The following UBA6 variants were observed in gnomAD, a reference collection of about 807,000 sequenced individuals.
UBA6 encodes ubiquitin-like modifier-activating enzyme 6.
A neutral mutation model predicts 148.3 loss-of-function variants in UBA6; 87 were observed. The observed-to-expected ratio is 0.59, with a 90% CI of 0.49 to 0.70. The LOEUF (loss-of-function observed/expected upper bound fraction) is 0.70, where lower values mean the gene tolerates loss of function less well. Ranked by LOEUF, UBA6 falls within the 30% of genes least tolerant of loss-of-function variation. The pLI, the probability that UBA6 is intolerant of heterozygous loss-of-function variation, is 0.00. For missense variants in UBA6, 1,186 were observed against 1,241.2 expected, an observed-to-expected ratio of 0.96 and a Z score of 0.67; for synonymous variants, 376 against 401.0, an observed-to-expected ratio of 0.94 and a Z score of 0.75.
Position 67,631,884 on chromosome 4 carries a change from G to A in UBA6, c.2167C>T (p.Pro723Ser), listed in dbSNP as rs764826852. Residue 723 changes from proline (P) to serine (S), a missense_variant, in exon 24 of 33, where the codon CCT becomes TCT. By Grantham distance (74) the Pro-to-Ser change is moderately conservative. Transcript: ENST00000322244. ...CCATCTTTTAATCGTATGTCCAGAG[G>A]GAAACAGTGAAGAAGCTGAAGAGCC... Reference protein sequence around the residue: ...HKALQLLHCFPLDIRLKDGSL... With the variant: ...HKALQLLHCFSLDIRLKDGSL... 6.2e-7 allele frequency: 1 copy of A among 1,611,200 alleles called. No individual in the cohort carries two copies. The highest frequency in any genetic ancestry group is 1.1e-5 in the South Asian group (1 of 90,488).
intron 13 of UBA6, among the ~76,000 whole-genome samples, chr4:67,653,518 C>T (rs1404968744): frequency 3.3e-5 from 5 of 152,164 alleles, no homozygotes; most frequent in African/African-American, 7.2e-5. Context: ...CACACCAAAA[C>T]GCCATCTGTA....
chr4:67,663,767 A>G lies in UBA6; in HGVS notation c.960+118T>C, dbSNP rs1729921735. 11 of 823,738 alleles carry G rather than the reference A, an allele frequency of 1.3e-5. No individual in the cohort carries two copies. The East Asian group carries it at 2.8e-4, about 21-fold the overall frequency. The allele number at this position is 823,738 out of a possible 1,614,324, so 51.0% of individuals were successfully genotyped here. On this transcript the variant is annotated intron_variant, in intron 11 of 32. Coordinates refer to ENST00000322244, the MANE Select transcript of UBA6 (RefSeq NM_018227.6). The stretch of plus-strand genomic sequence containing the variant: ...TGAGTATAACCTTTATTATACTCAC[A>G]TTATAAGGCCCGACAGCCAGATACC...
At chr4:67,694,982 A>G (rs1464655525) in intron 2 of UBA6, among the ~76,000 whole-genome samples, 2 of 152,252 alleles carry the variant, frequency 1.3e-5, no homozygotes, top group Admixed American at 6.5e-5. Context: ...GCTATATTCT[A>G]TAACTCTCAG....
intron 2 of UBA6, among the ~76,000 whole-genome samples, chr4:67,690,126 G>A (rs927279717): frequency 6.6e-6 from 1 of 151,912 alleles, no homozygotes; most frequent in African/African-American, 2.4e-5. Flanking sequence ...AGACAGTTGA[G>A]GTAAAAAGGT....
chr4:67,672,262 C>T (rs1730166591), intron 7 of UBA6, among the ~76,000 whole-genome samples: 1 of 152,156 alleles, frequency 6.6e-6, no homozygotes, highest in Admixed American at 6.5e-5. Context: ...GAAATTAAAA[C>T]TGAGAGAAAT....
intron 23 of UBA6, among the ~76,000 whole-genome samples, chr4:67,632,788 T>C (rs1454037789): frequency 6.6e-6 from 1 of 152,098 alleles, no homozygotes; most frequent in Admixed American, 6.5e-5. Context: ...GCCCAGGAGT[T>C]CCAGGCCAGA....
At chr4:67,630,349 T>C (rs1728968075) in intron 26 of UBA6, 117 bp downstream of exon 26, 1 of 741,328 alleles carries the variant, frequency 1.3e-6, no homozygotes, top group Admixed American at 3.2e-5. Flanking sequence ...ATAAAAATTC[T>C]GTATCAAAAA....
chr4:67,660,049 C>A (rs1729811128), intron 13 of UBA6, among the ~76,000 whole-genome samples: 1 of 152,128 alleles, frequency 6.6e-6, no homozygotes, highest in Non-Finnish European at 1.5e-5. Flanking sequence ...GCAAAGCATT[C>A]AAGGGGTGAC....
At chr4:67,696,992 TG>T (rs1730856299) in intron 1 of UBA6, among the ~76,000 whole-genome samples, 1 of 152,046 alleles carries the variant, frequency 6.6e-6, no homozygotes, top group Admixed American at 6.6e-5. Flanking sequence ...ATTTTGTTGT[TG>T]TTGTTGTTTG....
intron 27 of UBA6, 77 bp downstream of exon 27, chr4:67,628,994 C>T: frequency 1.0e-6 from 1 of 982,502 alleles, no homozygotes; most frequent in Non-Finnish European, 1.6e-6. Context: ...TTGTGATATT[C>T]TCCAGGTTTA....
intron 23 of UBA6, among the ~76,000 whole-genome samples, chr4:67,632,818 C>T (rs1318183780): frequency 6.6e-6 from 1 of 151,748 alleles, no homozygotes; most frequent in Non-Finnish European, 1.5e-5. Context: ...ATAGGGAAAC[C>T]CTGTTTTTTT....
At chr4:67,690,537 C>G (rs1730670350) in intron 2 of UBA6, among the ~76,000 whole-genome samples, 1 of 151,922 alleles carries the variant, frequency 6.6e-6, no homozygotes, top group Non-Finnish European at 1.5e-5. Context: ...ATTTATAAAC[C>G]ATGTATGTGA....
In UBA6 at chr4:67,622,843, CT is replaced by C; in HGVS notation, c.3010del (p.Arg1004AspfsTer2). ...GTTGAATACTTACGTTAACTTCAAT[CT>C]TTTTGCATGACCAGGCATTACAGGA... is the stretch of plus-strand genomic sequence containing the variant. ...YVPVMPGHAK[R>X]LKLTMHKLVK... On this transcript the variant is annotated frameshift_variant, in exon 32 of 33. Coordinates refer to ENST00000322244, the MANE Select transcript of UBA6 (RefSeq NM_018227.6). LOFTEE classifies it high-confidence loss of function. 6.2e-7 allele frequency: 1 copy of C among 1,610,200 alleles called. No homozygotes were observed. The highest frequency in any genetic ancestry group is 1.1e-5 in the South Asian group (1 of 89,986).
At chr4:67,621,192 T>A (rs554357858) in intron 32 of UBA6, among the ~76,000 whole-genome samples, 3 of 152,318 alleles carry the variant, frequency 2.0e-5, no homozygotes, top group East Asian at 3.9e-4. Context: ...TACTGAGGGA[T>A]CCTAATGAAA....
At chr4:67,661,444 TG>T (rs1729854515) in intron 13 of UBA6, among the ~76,000 whole-genome samples, 1 of 152,210 alleles carries the variant, frequency 6.6e-6, no homozygotes, top group Admixed American at 6.5e-5. Context: ...CACACTGTCC[TG>T]CCACCCTGTG....
rs116482279 is a variant in UBA6 at position 67,676,530 on chromosome 4, C to T, written c.465+1081G>A. Among the ~76,000 whole-genome samples, 553 of 152,296 alleles carry T rather than the reference C, an allele frequency of 3.6e-3. 4 individuals carry two copies. The highest frequency in any genetic ancestry group is 0.013 in the African/African-American group (536 of 41,560). On this transcript the variant is annotated intron_variant, in intron 6 of 32. Transcript: ENST00000322244. The stretch of plus-strand genomic sequence containing the variant: ...TTCTTGTCCACCCTTTCACTGAGGG[C>T]ATAGCTCTCTGAGGCTCCAGCTTTA...
At chr4:67,649,522 CCAGT>C (rs1327013000) in intron 13 of UBA6, among the ~76,000 whole-genome samples, 1 of 151,912 alleles carries the variant, frequency 6.6e-6, no homozygotes, top group African/African-American at 2.4e-5. Flanking sequence ...TTCTGTGATG[CCAGT>C]CAGACATATT....
rs116874558 is a variant in UBA6, at chr4:67,625,278, G to A, written c.2519-91C>T. ...CAATGTGAATTTACTAACTTTCAAA[G>A]ATTCCTTTTTATATTTTTTAATGAC... On this transcript the variant is annotated intron_variant, in intron 28 of 32. Transcript: ENST00000322244. The A allele has an allele frequency of 1.3e-3, 1,256 of 984,020 alleles. 14 individuals carry two copies. In the Admixed American group the frequency reaches 0.017, roughly 13 times the overall value. 61.0% of individuals were successfully genotyped at this position (984,020 alleles called of 1,614,324 possible). A position where few individuals can be genotyped will look rare whatever the true frequency, so the allele number is the denominator to read the frequency against.
intron 26 of UBA6, 95 bp downstream of exon 26, chr4:67,630,371 A>C (rs539653424): frequency 1.2e-6 from 1 of 825,464 alleles, no homozygotes; most frequent in East Asian, 2.8e-5. Context: ...AGTGATTCTT[A>C]TAACAAACAA....
Sources: allele counts gnomAD v4.1 joint callset (sites outside exome capture counted in the v4.1 genomes callset), GRCh38; gene constraint gnomAD v4.1.1; transcripts MANE v1.5; gene names NCBI Gene and HGNC (gene_info 2026-07-23, HGNC 2026-07-21).